HDDC2: variants seen among roughly 807,000 people sequenced by gnomAD.
HDDC2 encodes the protein HD domain containing 2.
A neutral mutation model predicts 25.5 loss-of-function variants in HDDC2; 25 were observed. That is an observed-to-expected ratio of 0.98 (90% CI 0.72 to 1.37). The LOEUF (loss-of-function observed/expected upper bound fraction) is 1.37. HDDC2 is among the 40% of genes most tolerant of loss of function. HDDC2 has a pLI of 0.00. For missense variants in HDDC2, 264 were observed against 253.1 expected, an observed-to-expected ratio of 1.04 and a Z score of -0.29; for synonymous variants, 106 against 89.7, an observed-to-expected ratio of 1.18 and a Z score of -1.03.
chr6:125,291,292 A>T (rs1798628152), intron 4 of HDDC2, among the ~76,000 whole-genome samples: 1 of 152,232 alleles, frequency 6.6e-6, no homozygotes, highest in African/African-American at 2.4e-5. Flanking sequence ...ATACTTTGCC[A>T]GGTTTAATTT....
intron 5 of HDDC2, 148 bp from the exon 6 acceptor site, chr6:125,276,391 C>G (rs62432870): frequency 0.12 from 77,226 of 641,718 alleles, 6,431 homozygotes; most frequent in East Asian, 0.31. Flanking sequence ...ATTCCAGGTC[C>G]TGGGAAGGGG....
intron 3 of HDDC2, among the ~76,000 whole-genome samples, chr6:125,295,854 T>C (rs1333203396): frequency 2.0e-5 from 3 of 152,170 alleles, no homozygotes; most frequent in Admixed American, 1.3e-4. Context: ...TAGATCACAG[T>C]GATCCTTATC....
chr6:125,275,543 C>T lies in HDDC2; in HGVS notation c.*603G>A, dbSNP rs1401975988. ...GAATACAAGTTGCATTTTTATATGCCCCGGTTTATATCTCTAAATGACAAA... is the reference window on the plus strand; with the variant it reads ...GAATACAAGTTGCATTTTTATATGCTCCGGTTTATATCTCTAAATGACAAA... On this transcript the variant is annotated 3_prime_UTR_variant, in exon 6 of 6. Transcript: ENST00000398153. The T allele has an allele frequency of 2.0e-5, 3 of 151,974 alleles. No homozygotes were observed. Among genetic ancestry groups the T allele is most frequent in the Non-Finnish European group, 4.4e-5 (3 of 68,024 alleles). 9.4% of individuals were successfully genotyped at this position (151,974 alleles called of 1,614,324 possible).
chr6:125,280,263 T>G (rs6917910), intron 4 of HDDC2, among the ~76,000 whole-genome samples: 29,855 of 152,094 alleles, frequency 0.2, 3,339 homozygotes, highest in African/African-American at 0.31. Context: ...GGGATTCCCT[T>G]GAGTGCTTAC....
At chr6:125,291,022 G>A (rs1798623125) in intron 4 of HDDC2, among the ~76,000 whole-genome samples, 1 of 152,110 alleles carries the variant, frequency 6.6e-6, no homozygotes, top group African/African-American at 2.4e-5. Flanking sequence ...AGGCACAAAG[G>A]TACAAACTAT....
rs1020203954 is a variant in HDDC2 at position 125,301,942 on chromosome 6, G to A, written c.-10C>T. ...AGGAGACCGAAGCCATGCGGCCACCGACCCCGGCTGGGCGGAGCAGGCCGC... is the reference window on the plus strand; with the variant it reads ...AGGAGACCGAAGCCATGCGGCCACCAACCCCGGCTGGGCGGAGCAGGCCGC... On this transcript the variant is annotated 5_prime_UTR_variant, in exon 1 of 6. Coordinates refer to ENST00000398153, the MANE Select transcript of HDDC2 (RefSeq NM_016063.3). The A allele has an allele frequency of 7.8e-6, 12 of 1,545,866 alleles. No homozygotes were observed. The highest frequency in any genetic ancestry group is 1.7e-4 in the Middle Eastern group (1 of 5,968).
In HDDC2 at chr6:125,300,519, A is replaced by G. The variant is rs371646723; in HGVS notation, c.206+19T>C. 1.6e-5 allele frequency: 25 copies of G among 1,610,800 alleles called. No individual in the cohort carries two copies. The highest frequency in any genetic ancestry group is 1.6e-4 in the Middle Eastern group (1 of 6,064). ...TAGACCAGAATCTCTCACGAGCATC[A>G]AAGTCCAGCTCAGCTTACCGGTCTT... is the stretch of plus-strand genomic sequence containing the variant. On this transcript the variant is annotated intron_variant, in intron 2 of 5. Transcript: ENST00000398153.
rs1798749595 is a variant in HDDC2 at position 125,298,791 on chromosome 6, C to T, written c.232G>A (p.Asp78Asn). ...TCCCCAACGATGCATTCTGCCATAT[C>T]ATGAACCAGGGCTAGGCGTACACAT... ...DRCVRLALVHDMAECIVGDIA... is the reference protein window; with the variant it reads ...DRCVRLALVHNMAECIVGDIA... Residue 78 changes from aspartate (D) to asparagine (N), a missense_variant, in exon 3 of 6, where the codon GAT becomes AAT. Transcript: ENST00000398153. 1 of 1,613,980 alleles carries T rather than the reference C, an allele frequency of 6.2e-7. No individual in the cohort carries two copies. Among genetic ancestry groups the T allele is most frequent in the African/African-American group, 1.3e-5 (1 of 74,924 alleles).
intron 4 of HDDC2, among the ~76,000 whole-genome samples, chr6:125,291,283 T>C (rs553837084): frequency 6.6e-6 from 1 of 152,318 alleles, no homozygotes; most frequent in African/African-American, 2.4e-5. Context: ...ATACTACACA[T>C]ACTTTGCCAG....
intron 2 of HDDC2, among the ~76,000 whole-genome samples, chr6:125,299,931 T>C (rs1798770279): frequency 6.6e-6 from 1 of 152,228 alleles, no homozygotes; most frequent in Non-Finnish European, 1.5e-5. Flanking sequence ...ACCTCCTCCA[T>C]TAAGATCAAC....
At chr6:125,279,089 G>A (rs930644944) in intron 4 of HDDC2, 7 of 152,168 alleles carry the variant, frequency 4.6e-5, no homozygotes, top group African/African-American at 1.7e-4. Flanking sequence ...CCATCAGCAT[G>A]GGAGTAAGAG....
chr6:125,276,954 C>T (rs769749912), intron 5 of HDDC2, 148 bp downstream of exon 5: 20 of 749,878 alleles, frequency 2.7e-5, no homozygotes, highest in South Asian at 1.7e-4. Context: ...GCCTCTTACC[C>T]GAATGTTTCC....
chr6:125,276,387 G>A (rs1290966424), intron 5 of HDDC2, 144 bp from the exon 6 acceptor site: 2 of 653,438 alleles, frequency 3.1e-6, no homozygotes, highest in Non-Finnish European at 5.3e-6. Context: ...AGAGATTCCA[G>A]GTCCTGGGAA....
Position 125,289,401 on chromosome 6 carries a change from C to T in HDDC2, c.378+3440G>A, listed in dbSNP as rs370291680. ...ATGCTAGATGACACATTAGTGGGTG[C>T]AGCGCACCAGCATGGCACATGTATA... is the stretch of plus-strand genomic sequence containing the variant. On this transcript the variant is annotated intron_variant, in intron 4 of 5. Transcript: ENST00000398153. Among the ~76,000 whole-genome samples, 6 of 131,502 alleles carry T rather than the reference C, an allele frequency of 4.6e-5. No homozygotes were observed. In the East Asian group the frequency reaches 8.7e-4, roughly 19 times the overall value. 86.3% of individuals were successfully genotyped at this position (131,502 alleles called of 152,430 possible). A position where few individuals can be genotyped will look rare whatever the true frequency, so the allele number is the denominator to read the frequency against.
chr6:125,276,899 T>C, intron 5 of HDDC2: 1 of 568,630 alleles, frequency 1.8e-6, no homozygotes, highest in Non-Finnish European at 3.1e-6. Flanking sequence ...TGTTGCTTAC[T>C]GTTCATTCCA....
intron 3 of HDDC2, 154 bp downstream of exon 3, chr6:125,298,559 TA>T: frequency 1.6e-6 from 1 of 627,990 alleles, no homozygotes. Context: ...CCTGAATCTC[TA>T]AAAATATCTT....
rs375423376 is a variant in HDDC2, at chr6:125,276,270, T to C, written c.518-27A>G. ...TGCAAAGCAAAAGAACAGGGAAAAA[T>C]ACATTCCCATATTGACAAGAGAGTA... On this transcript the variant is annotated intron_variant, in intron 5 of 5. Coordinates refer to ENST00000398153, the MANE Select transcript of HDDC2 (RefSeq NM_016063.3). The C allele has an allele frequency of 4.8e-5, 72 of 1,496,258 alleles. No homozygotes were observed. The African/African-American group carries it at 8.9e-4, about 19-fold the overall frequency. The allele number at this position is 1,496,258 out of a possible 1,614,324, so 92.7% of individuals were successfully genotyped here.
rs1024186988 is a variant in HDDC2 at position 125,300,727 on chromosome 6, G to A, written c.85-68C>T. On this transcript the variant is annotated intron_variant, in intron 1 of 5. Coordinates refer to ENST00000398153, the MANE Select transcript of HDDC2 (RefSeq NM_016063.3). ...ATTAACTATCTGCTATGCTCTTCAA[G>A]AGATGTCCAGGATATAACACACAGA... is the stretch of plus-strand genomic sequence containing the variant. The A allele has an allele frequency of 6.0e-6, 9 of 1,491,000 alleles. No homozygotes were observed. The African/African-American group carries it at 9.8e-5, about 16-fold the overall frequency. The allele number at this position is 1,491,000 out of a possible 1,614,324, so 92.4% of individuals were successfully genotyped here. A position where few individuals can be genotyped will look rare whatever the true frequency, so the allele number is the denominator to read the frequency against.
Position 125,301,854 on chromosome 6 carries a change from G to A in HDDC2, c.79C>T (p.Leu27Phe), listed in dbSNP as rs1583058075. 10 of 1,543,770 alleles carry A rather than the reference G, an allele frequency of 6.5e-6. No homozygotes were observed. Among genetic ancestry groups the A allele is most frequent in the Non-Finnish European group, 8.7e-6 (10 of 1,146,542 alleles). ...LLQFLRLVGQ[L>F]KRVPRTGWVY... ...CCGGCCTGGTGCCCGCTCACCTTGAGCTGCCCTACCAGCCGCAGGAACTGC... is the reference window on the plus strand; with the variant it reads ...CCGGCCTGGTGCCCGCTCACCTTGAACTGCCCTACCAGCCGCAGGAACTGC... The change falls in exon 1 of 6, where the codon CTC becomes TTC. Residue 27 changes from leucine to phenylalanine, a missense_variant. Physicochemically the swap from Leu to Phe is conservative, Grantham distance 22 (BLOSUM62 0). Coordinates refer to ENST00000398153, the MANE Select transcript of HDDC2 (RefSeq NM_016063.3).
Sources: allele counts gnomAD v4.1 joint callset (sites outside exome capture counted in the v4.1 genomes callset), GRCh38; gene constraint gnomAD v4.1.1; transcripts MANE v1.5; gene names NCBI Gene and HGNC (gene_info 2026-07-23, HGNC 2026-07-21).